CSRNP3: variants seen among roughly 807,000 people sequenced by gnomAD.
The protein encoded by CSRNP3 is cysteine/serine-rich nuclear protein 3.
In CSRNP3, 12 loss-of-function variants were observed where a neutral mutation model predicts 48.0. That is an observed-to-expected ratio of 0.25 (90% CI 0.16 to 0.41). The LOEUF (loss-of-function observed/expected upper bound fraction) is 0.41, where lower values mean the gene tolerates loss of function less well. CSRNP3 is among the 10% of genes least tolerant of loss of function. The pLI is 1.00. For synonymous variants in CSRNP3, 263 were observed against 269.7 expected (o/e 0.98, Z 0.24); for missense variants, 580 against 724.4 (o/e 0.80, Z 2.29).
At chr2:165,514,511 C>G (rs1001015524) in intron 2 of CSRNP3, among the ~76,000 whole-genome samples, 1 of 152,244 alleles carries the variant, frequency 6.6e-6, no homozygotes, top group Non-Finnish European at 1.5e-5. Context: ...AATTCTGTCT[C>G]TCACATGTGT....
intron 4 of CSRNP3, among the ~76,000 whole-genome samples, chr2:165,617,655 A>T (rs1392499648): frequency 1.3e-5 from 2 of 152,120 alleles, no homozygotes. Flanking sequence ...GAAGGGCTGT[A>T]TTTCCTCTCC....
chr2:165,470,507 ATCAG>A (rs1470624107), intron 1 of CSRNP3, among the ~76,000 whole-genome samples: 2 of 152,124 alleles, frequency 1.3e-5, no homozygotes, highest in African/African-American at 2.4e-5. Context: ...AGTTTAATTT[ATCAG>A]TCAAACACAT....
intron 3 of CSRNP3, among the ~76,000 whole-genome samples, chr2:165,534,268 C>T (rs1684853444): frequency 6.6e-6 from 1 of 152,074 alleles, no homozygotes; most frequent in Admixed American, 6.6e-5. Context: ...TCTACTACTT[C>T]CCATTTTTTA....
At chr2:165,666,847 G>A (rs1240320454) in intron 5 of CSRNP3, among the ~76,000 whole-genome samples, 1 of 120,788 alleles carries the variant, frequency 8.3e-6, no homozygotes, top group Non-Finnish European at 1.8e-5. Context: ...AGGAAGGAAG[G>A]GAGGAAAGAG....
chr2:165,680,860 C>G lies in CSRNP3; in HGVS notation c.*1107C>G, dbSNP rs1687523929. On this transcript the variant is annotated 3_prime_UTR_variant, in exon 7 of 7. Coordinates refer to ENST00000651982, the MANE Select transcript of CSRNP3 (RefSeq NM_001172173.2). ...CTGAGGAAACATGGAAGAGACACGACCTCAGCAACCAGCCTTTTCTCCAGC... is the reference window on the plus strand; with the variant it reads ...CTGAGGAAACATGGAAGAGACACGAGCTCAGCAACCAGCCTTTTCTCCAGC... 6.6e-6 allele frequency: 1 copy of G among 152,092 alleles called. No homozygotes were observed. The highest frequency in any genetic ancestry group is 2.4e-5 in the African/African-American group (1 of 41,420). 9.4% of individuals were successfully genotyped at this position (152,092 alleles called of 1,614,324 possible).
At chr2:165,554,243 C>G (rs1685135506) in intron 3 of CSRNP3, among the ~76,000 whole-genome samples, 1 of 152,130 alleles carries the variant, frequency 6.6e-6, no homozygotes, top group Non-Finnish European at 1.5e-5. Context: ...TGTGCTGGTT[C>G]TTCCTCATTT....
intron 3 of CSRNP3, among the ~76,000 whole-genome samples, chr2:165,548,941 A>T (rs1346427048): frequency 3.3e-5 from 5 of 151,948 alleles, no homozygotes; most frequent in African/African-American, 1.2e-4. Flanking sequence ...ATTAACAATT[A>T]AAAATATCTT....
intron 4 of CSRNP3, among the ~76,000 whole-genome samples, chr2:165,595,558 G>A (rs1417349622): frequency 2.0e-5 from 3 of 152,140 alleles, no homozygotes; most frequent in Non-Finnish European, 2.9e-5. Flanking sequence ...TTTCATAATT[G>A]AAATGATGTT....
At chr2:165,586,557 T>C (rs927092989) in intron 3 of CSRNP3, among the ~76,000 whole-genome samples, 1 of 152,220 alleles carries the variant, frequency 6.6e-6, no homozygotes, top group Non-Finnish European at 1.5e-5. Context: ...ATTTGCTAAA[T>C]CTGACAACCC....
chr2:165,602,622 T>C (rs1190293463), intron 4 of CSRNP3, among the ~76,000 whole-genome samples: 1 of 152,226 alleles, frequency 6.6e-6, no homozygotes, highest in African/African-American at 2.4e-5. Flanking sequence ...TCTGATACAA[T>C]AGAATTGTTA....
intron 3 of CSRNP3, among the ~76,000 whole-genome samples, chr2:165,554,098 G>C (rs1384341694): frequency 6.6e-6 from 1 of 152,152 alleles, no homozygotes; most frequent in Non-Finnish European, 1.5e-5. Context: ...CCCATCAGTA[G>C]TTGTAGAGAG....
At chr2:165,636,628 A>T (rs547307275) in intron 4 of CSRNP3, among the ~76,000 whole-genome samples, 1 of 152,360 alleles carries the variant, frequency 6.6e-6, no homozygotes, top group African/African-American at 2.4e-5. Context: ...ACATATACTT[A>T]ACATAAGTAG....
chr2:165,678,712 G>A lies in CSRNP3; in HGVS notation c.717G>A (p.Met239Ile). ...TTCTTCCTTCCAAGGTGGATCGTAT[G>A]TCTTTCCCATGCGGCTGCACTAAAG... ...LAGIKCQVDR[M>I]SFPCGCTKEG... Residue 239 changes from methionine to isoleucine, a missense_variant, in exon 7 of 7, where the codon ATG becomes ATA. This residue lies in a region of CSRNP3 where 66 missense variants were observed against 137.6 expected (regional missense o/e 0.48). Transcript: ENST00000651982. The A allele has an allele frequency of 1.2e-6, 2 of 1,613,620 alleles. No homozygotes were observed. The highest frequency in any genetic ancestry group is 1.3e-5 in the African/African-American group (1 of 75,032).
chr2:165,625,351 G>A (rs1041018336), intron 4 of CSRNP3, among the ~76,000 whole-genome samples: 2 of 152,008 alleles, frequency 1.3e-5, no homozygotes, highest in Non-Finnish European at 2.9e-5. Context: ...AAAGTGCCAG[G>A]CACGGTGGCT....
chr2:165,679,033 G>T lies in CSRNP3; in HGVS notation c.1038G>T (p.Glu346Asp). The T allele has an allele frequency of 6.2e-7, 1 of 1,613,924 alleles. No individual in the cohort carries two copies. The highest frequency in any genetic ancestry group is 1.1e-5 in the South Asian group (1 of 91,072). Residue 346 changes from glutamate (E) to aspartate (D), a missense_variant, in exon 7 of 7, where the codon GAG becomes GAT. Around this residue, in one of 4 missense-constraint regions of CSRNP3, gnomAD observed 369 missense variants for 380.8 expected, o/e 0.97. Transcript: ENST00000651982. ...GCCAAGGAGAGGAGGAGGAAGAAGA[G>T]GAGGATGGGAGCAGCTTTTGCAGCG... ...LDCQGEEEEE[E>D]EDGSSFCSGV...
chr2:165,667,078 A>AG lies in CSRNP3; in HGVS notation c.408+9059dup, dbSNP rs1558968370. Among the ~76,000 whole-genome samples, 503 of 60,390 alleles carry AG rather than the reference A, an allele frequency of 8.3e-3. 48 individuals are homozygous for AG. Among genetic ancestry groups the AG allele is most frequent in the African/African-American group, 0.02 (479 of 23,390 alleles). The allele number at this position is 60,390 out of a possible 152,430, so 39.6% of individuals were successfully genotyped here. A position where few individuals can be genotyped will look rare whatever the true frequency, so the allele number is the denominator to read the frequency against. ...AGGAAGGAAGGAAGGAAAGAGAGAG[A>AG]GAAAGAAAGAGAGAGAGAGAAAAGG... On this transcript the variant is annotated intron_variant, in intron 5 of 6. Coordinates refer to ENST00000651982, the MANE Select transcript of CSRNP3 (RefSeq NM_001172173.2).
At chr2:165,666,146 G>A (rs1465950239) in intron 5 of CSRNP3, among the ~76,000 whole-genome samples, 4 of 134,264 alleles carry the variant, frequency 3.0e-5, no homozygotes, top group African/African-American at 1.1e-4. Context: ...AGGAAGGAAA[G>A]AGAGAGGAAG....
intron 4 of CSRNP3, among the ~76,000 whole-genome samples, chr2:165,615,799 A>G (rs558177665): frequency 8.2e-4 from 124 of 151,492 alleles, no homozygotes; most frequent in African/African-American, 2.9e-3. Flanking sequence ...CACTGGTGCA[A>G]TCACAGCTCA....
chr2:165,584,989 G>T (rs1413679384), intron 3 of CSRNP3, among the ~76,000 whole-genome samples: 1 of 152,144 alleles, frequency 6.6e-6, no homozygotes, highest in Non-Finnish European at 1.5e-5. Flanking sequence ...TACAGCCTAT[G>T]GATCACAGGT....
Sources: allele counts gnomAD v4.1 joint callset (sites outside exome capture counted in the v4.1 genomes callset), GRCh38; gene constraint gnomAD v4.1.1; regional missense constraint gnomAD v4.1.1; transcripts MANE v1.5; gene names NCBI Gene and HGNC (gene_info 2026-07-23, HGNC 2026-07-21).